The following SEMA6C variants were observed in gnomAD, a reference collection of about 807,000 sequenced individuals.
SEMA6C encodes semaphorin 6C.
A neutral mutation model predicts 72.9 loss-of-function variants in SEMA6C; 37 were observed. The ratio of observed to expected loss-of-function variants is 0.51; its 90% CI spans 0.39 to 0.67. The LOEUF is 0.67. Among genes scored for constraint, SEMA6C ranks in the 30% least tolerant of loss-of-function variants. SEMA6C has a pLI of 0.00. For synonymous variants in SEMA6C, 578 were observed against 554.1 expected (o/e 1.04, Z -0.61); for missense variants, 1,189 against 1,263.6 (o/e 0.94, Z 0.89).
Position 151,135,763 on chromosome 1 carries a change from C to G in SEMA6C, c.1261G>C (p.Ala421Pro), listed in dbSNP as rs1681969313. The change falls in exon 14 of 19, where the codon GCC becomes CCC. Residue 421 changes from alanine (A) to proline (P), a missense_variant and splice_region_variant. Physicochemically the swap from Ala to Pro is conservative, Grantham distance 27. Transcript: ENST00000368914. ...HQPLLTLTSR[A>P]LLTQVAVDGM... ...TCCACAGCTACTTGGGTCAGTAGGG[C>G]CCTGGAGGAAAGGGCCTCAGGTCAG... 1 of 1,613,588 alleles carries G rather than the reference C, an allele frequency of 6.2e-7. No homozygotes were observed.
chr1:151,138,511 C>G (rs1572035713), intron 7 of SEMA6C, 105 bp from the exon 8 acceptor site: 1 of 1,417,302 alleles, frequency 7.1e-7, no homozygotes, highest in Non-Finnish European at 9.8e-7. Context: ...CCCTCTGGAC[C>G]CTTGCATTCT....
intron 14 of SEMA6C, 141 bp from the exon 15 acceptor site, chr1:151,135,450 T>C: frequency 6.9e-7 from 1 of 1,440,804 alleles, no homozygotes; most frequent in Non-Finnish European, 9.4e-7. Context: ...CACTGTCCAG[T>C]CTTCTCGCCA....
chr1:151,132,500 C>T lies in SEMA6C; in HGVS notation c.2777G>A (p.Gly926Asp), dbSNP rs1390962517. ...CCGCTCCCTTTAAAAGTTGAAACGG[C>T]CGCCGTTCGGGACGGCCTGGCGGGA... ...PSSRQAVPNG[G>D]RFNF Residue 926 changes from glycine (G) to aspartate (D), a missense_variant, in exon 19 of 19, where the codon GGC (glycine) becomes GAC (aspartate). By Grantham distance (94) the Gly-to-Asp change is moderately conservative. This residue lies in a region of SEMA6C where 721 missense variants were observed against 686.2 expected (regional missense o/e 1.05). Coordinates refer to ENST00000368914, the MANE Select transcript of SEMA6C (RefSeq NM_030913.6). 2 of 1,548,868 alleles carry T rather than the reference C, an allele frequency of 1.3e-6. No homozygotes were observed. The highest frequency in any genetic ancestry group is 1.4e-5 in the African/African-American group (1 of 72,944).
chr1:151,132,963 G>A lies in SEMA6C; in HGVS notation c.2314C>T (p.Arg772Cys). 1 of 1,413,656 alleles carries A rather than the reference G, an allele frequency of 7.1e-7. No homozygotes were observed. The highest frequency in any genetic ancestry group is 9.3e-7 in the Non-Finnish European group (1 of 1,080,058). 87.6% of individuals were successfully genotyped at this position (1,413,656 alleles called of 1,614,324 possible). A position where few individuals can be genotyped will look rare whatever the true frequency, so the allele number is the denominator to read the frequency against. Reference sequence around the variant, plus strand: ...GGCGGCTGCGGGCCGTGCAGGTAGCGCAGCAGTTCCTCCAGGGTGGTGACT... The same window carrying A: ...GGCGGCTGCGGGCCGTGCAGGTAGCACAGCAGTTCCTCCAGGGTGGTGACT... ...VEVTTLEELL[R>C]YLHGPQPPRK... The change falls in exon 19 of 19, where the codon CGC becomes TGC. Residue 772 changes from arginine (R) to cysteine (C), a missense_variant. Physicochemically the swap from Arg to Cys is radical, Grantham distance 180 (BLOSUM62 -3). Transcript: ENST00000368914.
Position 151,144,065 on chromosome 1 carries a change from A to AC in SEMA6C, c.-55+319dup, listed in dbSNP as rs1443199663. Among the ~76,000 whole-genome samples, 7 of 151,116 alleles carry AC rather than the reference A, an allele frequency of 4.6e-5. 1 individual carries two copies. The highest frequency in any genetic ancestry group is 4.2e-4 in the South Asian group (2 of 4,774). On this transcript the variant is annotated intron_variant, in intron 2 of 18. Transcript: ENST00000368914. ...AAAAGAGTAGGAACACCTAATGATG[A>AC]CCCCCCTTCCCCAGGGCAGAGTAGC...
chr1:151,133,357 G>C lies in SEMA6C; in HGVS notation c.1920C>G (p.Ile640Met). 1 of 1,599,732 alleles carries C rather than the reference G, an allele frequency of 6.3e-7. No individual in the cohort carries two copies. The highest frequency in any genetic ancestry group is 1.1e-5 in the South Asian group (1 of 89,878). Residue 640 changes from isoleucine to methionine, a missense_variant, in exon 19 of 19, where the codon ATC becomes ATG. By Grantham distance (10) the Ile-to-Met change is conservative. Around this residue, in one of 2 missense-constraint regions of SEMA6C, gnomAD observed 721 missense variants for 686.2 expected, o/e 1.05. Transcript: ENST00000368914. The surrounding 1 kb of genome is among the most constrained non-coding windows in gnomAD (Gnocchi z 5.9). ...RRAHRRRGKD[I>M]ETPGLPRPLS... ...GAGGGCGCGGGAGCCCCGGAGTCTC[G>C]ATGTCCTTGCCCCGACGTCGGTGGG...
At chr1:151,137,566 G>A in intron 10 of SEMA6C, 145 bp downstream of exon 10, 2 of 680,878 alleles carry the variant, frequency 2.9e-6, no homozygotes, top group Non-Finnish European at 5.1e-6. Context: ...GGGTCAGAGG[G>A]CTTGGGGCTA....
chr1:151,132,767 AGCGCGGGCCGGGCGGGGGCAGAG>A lies in SEMA6C; in HGVS notation c.2487_2509del (p.Ser830LeufsTer190). 7.1e-7 allele frequency: 1 copy of A among 1,416,352 alleles called. No homozygotes were observed. Among genetic ancestry groups the A allele is most frequent in the Non-Finnish European group, 9.2e-7 (1 of 1,084,496 alleles). The allele number at this position is 1,416,352 out of a possible 1,614,324, so 87.7% of individuals were successfully genotyped here. On this transcript the variant is annotated frameshift_variant, in exon 19 of 19. Coordinates refer to ENST00000368914, the MANE Select transcript of SEMA6C (RefSeq NM_030913.6). LOFTEE classifies it low-confidence loss of function (END_TRUNC). ...GCCCAGCCGGGGAGCGGGGGCGGAG[AGCGCGGGCCGGGCGGGGGCAGAG>A]GCGCACCTGCCCTCGGGGGGCACGT...
At chr1:151,134,103 C>T in intron 18 of SEMA6C, 1 of 1,323,182 alleles carries the variant, frequency 7.6e-7, no homozygotes. Context: ...TGATCTCTAC[C>T]CCTGACACCC....
Position 151,136,989 on chromosome 1 carries a change from A to C in SEMA6C, c.842T>G (p.Leu281Arg), listed in dbSNP as rs760824147. 2.5e-6 allele frequency: 4 copies of C among 1,614,204 alleles called. No individual in the cohort carries two copies. The Admixed American group carries it at 6.7e-5, about 27-fold the overall frequency. Residue 281 changes from leucine (L) to arginine (R), a missense_variant, in exon 11 of 19, where the codon CTG (leucine) becomes CGG (arginine). Leu to Arg is a moderately radical substitution (Grantham distance 102). This residue lies in a region of SEMA6C where 468 missense variants were observed against 577.4 expected (regional missense o/e 0.81). Coordinates refer to ENST00000368914, the MANE Select transcript of SEMA6C (RefSeq NM_030913.6). ...RALDRHWTSFLKLRLNCSVPG... is the reference protein window; with the variant it reads ...RALDRHWTSFRKLRLNCSVPG... Reference sequence around the variant, plus strand: ...GACAGAGCAGTTGAGCCGAAGCTTCAGGAAGGATGTCCAGTGGCGGTCCAA... The same window carrying C: ...GACAGAGCAGTTGAGCCGAAGCTTCCGGAAGGATGTCCAGTGGCGGTCCAA...
rs745366318 is a variant in SEMA6C at position 151,138,383 on chromosome 1, A to T, written c.480T>A (p.Gly160=). 13 of 1,613,708 alleles carry T rather than the reference A, an allele frequency of 8.1e-6. No individual in the cohort carries two copies. The highest frequency in any genetic ancestry group is 1.1e-5 in the Non-Finnish European group (13 of 1,179,822). Residue 160 remains glycine, a synonymous_variant, in exon 8 of 19, where the codon GGT becomes GGA. Transcript: ENST00000368914. ...ATCGAGCCTGCCCACTCAGTTCCTC[A>T]CCCTCCTGCTGCAGCGAAGTTATCT... ...SYGITSLQQE[G]EELSGQARCP...
chr1:151,140,869 G>A (rs944183502), intron 3 of SEMA6C, among the ~76,000 whole-genome samples: 3 of 152,040 alleles, frequency 2.0e-5, no homozygotes, highest in Non-Finnish European at 4.4e-5. Flanking sequence ...GTGGTGGCGG[G>A]CGCCTGTAGT....
At chr1:151,136,382 C>A in intron 12 of SEMA6C, 66 bp downstream of exon 12, 1 of 1,582,246 alleles carries the variant, frequency 6.3e-7, no homozygotes, top group Non-Finnish European at 8.6e-7. Context: ...TACCTCCTCA[C>A]AATCCCATCT....
intron 3 of SEMA6C, among the ~76,000 whole-genome samples, chr1:151,140,999 A>AG (rs587625980): frequency 0.071 from 513 of 7,222 alleles, 2 homozygotes; most frequent in South Asian, 0.16. Context: ...CTCCGTCTCG[A>AG]AAAAAAAAAA....
rs1348122062 is a variant in SEMA6C, at chr1:151,133,525, C to G, written c.1760-8G>C. 8 of 1,500,070 alleles carry G rather than the reference C, an allele frequency of 5.3e-6. No individual in the cohort carries two copies. The South Asian group carries it at 7.4e-5, about 14-fold the overall frequency. 92.9% of individuals were successfully genotyped at this position (1,500,070 alleles called of 1,614,324 possible). A position where few individuals can be genotyped will look rare whatever the true frequency, so the allele number is the denominator to read the frequency against. On this transcript the variant is annotated splice_region_variant and splice_polypyrimidine_tract_variant and intron_variant, in intron 18 of 18. Coordinates refer to ENST00000368914, the MANE Select transcript of SEMA6C (RefSeq NM_030913.6). The surrounding 1 kb of genome is among the most constrained non-coding windows in gnomAD (Gnocchi z 5.9). ...GCAGGTCCCGGCGCACGCCTGCCGA[C>G]CGAGAGGGAGGAGGGAGGCTCAGCC...
rs1385558382 is a variant in SEMA6C, at chr1:151,133,512, G to A, written c.1765C>T (p.Arg589Cys). 2 of 1,513,730 alleles carry A rather than the reference G, an allele frequency of 1.3e-6. No individual in the cohort carries two copies. The highest frequency in any genetic ancestry group is 1.4e-5 in the African/African-American group (1 of 72,114). 93.8% of individuals were successfully genotyped at this position (1,513,730 alleles called of 1,614,324 possible). A position where few individuals can be genotyped will look rare whatever the true frequency, so the allele number is the denominator to read the frequency against. ...GCCGAGGCTGGGGGCAGGTCCCGGC[G>A]CACGCCTGCCGACCGAGAGGGAGGA... ...SGPGDSAYGV[R>C]RDLPPASASR... The change falls in exon 19 of 19, where the codon CGC (arginine) becomes TGC (cysteine). Residue 589 changes from arginine (R) to cysteine (C), a missense_variant. This residue lies in a region of SEMA6C where 721 missense variants were observed against 686.2 expected (regional missense o/e 1.05). Transcript: ENST00000368914. This position sits in a 1 kb window ranked among gnomAD's most constrained non-coding sequence, Gnocchi z 5.9.
At chr1:151,134,948 C>T in intron 15 of SEMA6C, 73 bp from the exon 16 acceptor site, 1 of 1,477,448 alleles carries the variant, frequency 6.8e-7, no homozygotes, top group Non-Finnish European at 9.4e-7. Flanking sequence ...TGCCTTTTCC[C>T]ACCCTGGCTT....
chr1:151,133,047 G>A lies in SEMA6C; in HGVS notation c.2230C>T (p.Pro744Ser), dbSNP rs1170776405. ...GGCCTCACCAGCACGCGGGGCGCGG[G>A]CCCGCCCGCCGCGTGCCCGCCCCGT... ...RSRGGHAAGGPAPRVLVRPPP... is the reference protein window; with the variant it reads ...RSRGGHAAGGSAPRVLVRPPP... Residue 744 changes from proline (P) to serine (S), a missense_variant, in exon 19 of 19, where the codon CCC (proline) becomes TCC (serine). Pro to Ser is a moderately conservative substitution (Grantham distance 74, BLOSUM62 -1). Transcript: ENST00000368914. This position sits in a 1 kb window ranked among gnomAD's most constrained non-coding sequence, Gnocchi z 5.9. The A allele has an allele frequency of 1.4e-6, 2 of 1,412,808 alleles. No homozygotes were observed. The highest frequency in any genetic ancestry group is 9.2e-7 in the Non-Finnish European group (1 of 1,092,416). The allele number at this position is 1,412,808 out of a possible 1,614,324, so 87.5% of individuals were successfully genotyped here.
chr1:151,132,889 CG>C lies in SEMA6C; in HGVS notation c.2387del (p.Pro796ArgfsTer23), dbSNP rs1269927583. 7.6e-7 allele frequency: 1 copy of C among 1,309,332 alleles called. No homozygotes were observed. The highest frequency in any genetic ancestry group is 1.6e-5 in the African/African-American group (1 of 62,438). The allele number at this position is 1,309,332 out of a possible 1,614,324, so 81.1% of individuals were successfully genotyped here. ...CCAAGAGGGCGGGGGCGGGCTCCGG[CG>C]GGAGCGCCCGCGAGGTTAAAGGGGC... is the stretch of plus-strand genomic sequence containing the variant. ...PPAPLTSRALPPEPAPALLGG... is the reference protein window; with the variant it reads ...PPAPLTSRALXPEPAPALLGG... On this transcript the variant is annotated frameshift_variant, in exon 19 of 19. Transcript: ENST00000368914. LOFTEE classifies it low-confidence loss of function (END_TRUNC).
Sources: allele counts gnomAD v4.1 joint callset (sites outside exome capture counted in the v4.1 genomes callset), GRCh38; gene constraint gnomAD v4.1.1; regional missense constraint gnomAD v4.1.1; non-coding constraint Gnocchi (gnomAD v3.1); transcripts MANE v1.5; gene names NCBI Gene and HGNC (gene_info 2026-07-23, HGNC 2026-07-21).